Variants in FBXO22 observed in about 807,000 individuals in gnomAD.
FBXO22 encodes F-box protein 22, also known as F-box only protein 22.
FBXO22 carries 13 observed loss-of-function variants against 37.2 expected under a neutral mutation model. That is an observed-to-expected ratio of 0.35 (90% CI 0.23 to 0.56). The LOEUF is 0.56. Ranked by LOEUF, FBXO22 falls within the 20% of genes least tolerant of loss-of-function variation. The pLI, the probability that FBXO22 is intolerant of heterozygous loss-of-function variation, is 0.87. For synonymous variants in FBXO22, 189 were observed against 189.1 expected, an observed-to-expected ratio of 1.00 and a Z score of 0.00; for missense variants, 446 against 509.9, an observed-to-expected ratio of 0.87 and a Z score of 1.21.
At chr15:75,931,782 AC>A (rs2030027821) in intron 6 of FBXO22, among the ~76,000 whole-genome samples, 1 of 152,246 alleles carries the variant, frequency 6.6e-6, no homozygotes, top group Admixed American at 6.5e-5. Flanking sequence ...GCAAATATAA[AC>A]AAAAACAAAG....
intron 5 of FBXO22, among the ~76,000 whole-genome samples, chr15:75,920,221 A>G (rs1289939547): frequency 6.6e-6 from 1 of 152,232 alleles, no homozygotes. Flanking sequence ...AACAAAGTTC[A>G]GCAAACTAGG....
rs144006488 is a variant in FBXO22, at chr15:75,913,526, A to G, written c.367+236A>G. ...ATTCGTTAGAAAGGTGTTGTTCTCA[A>G]TTTGAGATGCTTTAATTCTCCAGGC... On this transcript the variant is annotated intron_variant, in intron 3 of 6. Transcript: ENST00000308275. Among the ~76,000 whole-genome samples, 169 of 152,308 alleles carry G rather than the reference A, an allele frequency of 1.1e-3. 1 individual carries two copies. The highest frequency in any genetic ancestry group is 3.8e-3 in the African/African-American group (158 of 41,560).
chr15:75,928,332 A>G (rs11072563), intron 5 of FBXO22, among the ~76,000 whole-genome samples: 27,974 of 152,210 alleles, frequency 0.18, 3,019 homozygotes, highest in Non-Finnish European at 0.25. Context: ...CACAGTAGCA[A>G]AGACATGGAA....
rs2030090271 is a variant in FBXO22, at chr15:75,932,717, T to C, written c.827T>C (p.Val276Ala). The change falls in exon 7 of 7, where the codon GTT (valine) becomes GCT (alanine). Residue 276 changes from valine (V) to alanine (A), a missense_variant. Val to Ala is a moderately conservative substitution (Grantham distance 64). Coordinates refer to ENST00000308275, the MANE Select transcript of FBXO22 (RefSeq NM_147188.3). ...CTGGATATTGATGCCTCGGGTGTGG[T>C]TGGACTGTCATTTAGTGGACACCGA... Reference protein sequence around the residue: ...NPLDIDASGVVGLSFSGHRIQ... With the variant: ...NPLDIDASGVAGLSFSGHRIQ... The C allele has an allele frequency of 5.0e-6, 8 of 1,612,288 alleles. No individual in the cohort carries two copies. Among genetic ancestry groups the C allele is most frequent in the Middle Eastern group, 1.6e-4 (1 of 6,078 alleles).
intron 6 of FBXO22, among the ~76,000 whole-genome samples, chr15:75,931,443 G>C (rs2030008664): frequency 6.6e-6 from 1 of 152,080 alleles, no homozygotes; most frequent in African/African-American, 2.4e-5. Flanking sequence ...AATTCTTTGA[G>C]GCAAGATTGA....
chr15:75,906,547 G>A (rs1899933849), intron 2 of FBXO22, among the ~76,000 whole-genome samples: 1 of 152,014 alleles, frequency 6.6e-6, no homozygotes, highest in East Asian at 1.9e-4. Flanking sequence ...CTCCCTTTTG[G>A]GCAAAGGGAA....
At chr15:75,930,328 G>A in intron 6 of FBXO22, 1 of 1,333,758 alleles carries the variant, frequency 7.5e-7, no homozygotes, top group Non-Finnish European at 9.6e-7. Flanking sequence ...TGACAGATGT[G>A]GTACTCTGTG....
At chr15:75,913,380 C>G in intron 3 of FBXO22, 90 bp downstream of exon 3, 1 of 849,732 alleles carries the variant, frequency 1.2e-6, no homozygotes, top group Non-Finnish European at 1.9e-6. Context: ...TGAGAGTTAA[C>G]TGACTTTCTG....
chr15:75,906,793 C>G (rs910233195), intron 2 of FBXO22, among the ~76,000 whole-genome samples: 1 of 152,092 alleles, frequency 6.6e-6, no homozygotes. Flanking sequence ...TGGAAAAATT[C>G]AAAATGCAAG....
Position 75,904,039 on chromosome 15 carries a change from C to T in FBXO22, c.76C>T (p.Leu26=), listed in dbSNP as rs764897997. 1.9e-6 allele frequency: 3 copies of T among 1,568,222 alleles called. No homozygotes were observed. The highest frequency in any genetic ancestry group is 2.6e-6 in the Non-Finnish European group (3 of 1,155,932). Residue 26 remains leucine (L), a synonymous_variant, in exon 1 of 7, where the codon CTG becomes TTG. Coordinates refer to ENST00000308275, the MANE Select transcript of FBXO22 (RefSeq NM_147188.3). The part of the protein sequence containing the change: ...DPRSTFVLSN[L]AEVVERVLTF... ...GCGGAGCACCTTCGTGTTGAGTAACCTGGCGGAGGTGGTGGAGCGTGTGCT... is the reference window on the plus strand; with the variant it reads ...GCGGAGCACCTTCGTGTTGAGTAACTTGGCGGAGGTGGTGGAGCGTGTGCT...
At chr15:75,923,485 G>T (rs1293459768) in intron 5 of FBXO22, among the ~76,000 whole-genome samples, 1 of 152,094 alleles carries the variant, frequency 6.6e-6, no homozygotes, top group Non-Finnish European at 1.5e-5. Flanking sequence ...GGTAGAGTTG[G>T]CCTTCCATAT....
Position 75,932,709 on chromosome 15 carries a change from G to A in FBXO22, c.819G>A (p.Ser273=), listed in dbSNP as rs765196400. The change falls in exon 7 of 7, where the codon TCG becomes TCA. Residue 273 remains serine, a synonymous_variant. Coordinates refer to ENST00000308275, the MANE Select transcript of FBXO22 (RefSeq NM_147188.3). ...GGAACCCTCTGGATATTGATGCCTCGGGTGTGGTTGGACTGTCATTTAGTG... is the reference window on the plus strand; with the variant it reads ...GGAACCCTCTGGATATTGATGCCTCAGGTGTGGTTGGACTGTCATTTAGTG... ...SEKNPLDIDA[S]GVVGLSFSGH... The A allele has an allele frequency of 1.4e-5, 23 of 1,606,960 alleles. No homozygotes were observed. The highest frequency in any genetic ancestry group is 1.7e-5 in the Admixed American group (1 of 58,942).
rs1302706758 is a variant in FBXO22 at position 75,936,582 on chromosome 15, T to C, written c.*3480T>C. ...TCACTTAATATTTTGGTATGGAAAC[T>C]TTTTTTTTTTTGAGAGAGTTTTGCT... On this transcript the variant is annotated 3_prime_UTR_variant, in exon 7 of 7. Coordinates refer to ENST00000308275, the MANE Select transcript of FBXO22 (RefSeq NM_147188.3). 1 of 144,552 alleles carries C rather than the reference T, an allele frequency of 6.9e-6. No homozygotes were observed. The highest frequency in any genetic ancestry group is 2.6e-5 in the African/African-American group (1 of 38,636). 9.0% of individuals were successfully genotyped at this position (144,552 alleles called of 1,614,324 possible). A position where few individuals can be genotyped will look rare whatever the true frequency, so the allele number is the denominator to read the frequency against.
rs942760725 is a variant in FBXO22 at position 75,938,339 on chromosome 15, A to T, written c.*5237A>T. The T allele has an allele frequency of 1.3e-5, 2 of 152,234 alleles. No homozygotes were observed. The highest frequency in any genetic ancestry group is 1.3e-4 in the Admixed American group (2 of 15,284). The allele number at this position is 152,234 out of a possible 1,614,324, so 9.4% of individuals were successfully genotyped here. A position where few individuals can be genotyped will look rare whatever the true frequency, so the allele number is the denominator to read the frequency against. On this transcript the variant is annotated 3_prime_UTR_variant, in exon 7 of 7. Coordinates refer to ENST00000308275, the MANE Select transcript of FBXO22 (RefSeq NM_147188.3). The stretch of plus-strand genomic sequence containing the variant: ...GGGGAAAGGAAAGAATCTCATACCT[A>T]GAGTTACCATATTATAATAGTGAAT...
In FBXO22 at chr15:75,941,984, T is replaced by C. The variant is rs2031034905; in HGVS notation, c.*8882T>C. The stretch of plus-strand genomic sequence containing the variant: ...AAATATGGCCTAGCTTTTTTTTTTT[T>C]TTTTAAAAAGGGCAGGGGGTGGGGT... On this transcript the variant is annotated 3_prime_UTR_variant, in exon 7 of 7. Transcript: ENST00000308275. 6.7e-6 allele frequency: 1 copy of C among 150,216 alleles called. No individual in the cohort carries two copies. Among genetic ancestry groups the C allele is most frequent in the South Asian group, 2.1e-4 (1 of 4,798 alleles). The allele number at this position is 150,216 out of a possible 1,614,324, so 9.3% of individuals were successfully genotyped here.
intron 2 of FBXO22, among the ~76,000 whole-genome samples, chr15:75,909,567 T>G (rs1474077952): frequency 2.0e-5 from 3 of 152,220 alleles, no homozygotes; most frequent in African/African-American, 7.2e-5. Context: ...CATCTTTTGC[T>G]GGTACTTGAT....
Position 75,938,166 on chromosome 15 carries a change from C to A in FBXO22, c.*5064C>A, listed in dbSNP as rs1396700672. On this transcript the variant is annotated 3_prime_UTR_variant, in exon 7 of 7. Transcript: ENST00000308275. Reference sequence around the variant, plus strand: ...TCCTAGCATTCAAGGGAATTTATGTCAAAATAGCTGAACGTGACATAAAAG... The same window carrying A: ...TCCTAGCATTCAAGGGAATTTATGTAAAAATAGCTGAACGTGACATAAAAG... The A allele has an allele frequency of 6.6e-6, 1 of 152,050 alleles. No individual in the cohort carries two copies. The highest frequency in any genetic ancestry group is 1.5e-5 in the Non-Finnish European group (1 of 68,022). 9.4% of individuals were successfully genotyped at this position (152,050 alleles called of 1,614,324 possible).
At chr15:75,913,572 G>C (rs1471629989) in intron 3 of FBXO22, among the ~76,000 whole-genome samples, 1 of 152,166 alleles carries the variant, frequency 6.6e-6, no homozygotes, top group African/African-American at 2.4e-5. Context: ...ATTAAAACAG[G>C]TTGTATGACT....
rs1451759100 is a variant in FBXO22, at chr15:75,904,608, C to T, written c.258C>T (p.Arg86=). Residue 86 remains arginine, a synonymous_variant, in exon 2 of 7, where the codon CGC becomes CGT. Coordinates refer to ENST00000308275, the MANE Select transcript of FBXO22 (RefSeq NM_147188.3). The part of the protein sequence containing the change: ...AGHLEGHCLV[R]VVAEELENVR... ...ACCTGGAGGGGCATTGCTTGGTTCG[C>T]GTGGTAGCAGAGGAGCTTGAGGCAA... 6.2e-7 allele frequency: 1 copy of T among 1,611,302 alleles called. No individual in the cohort carries two copies. Among genetic ancestry groups the T allele is most frequent in the Non-Finnish European group, 8.5e-7 (1 of 1,178,316 alleles).
Sources: gnomAD v4.1 joint callset for allele counts (sites outside exome capture counted in the v4.1 genomes callset) on GRCh38, gnomAD v4.1.1 for gene constraint, MANE v1.5 for transcripts, NCBI Gene and HGNC (gene_info 2026-07-23, HGNC 2026-07-21) for gene names.